ABCA12: variants seen among roughly 807,000 people sequenced by gnomAD.
ABCA12 encodes the protein glucosylceramide transporter ABCA12.
A neutral mutation model predicts 293.5 loss-of-function variants in ABCA12; 156 were observed. The observed-to-expected ratio is 0.53, with a 90% CI of 0.47 to 0.61. The LOEUF is 0.61. Ranked by LOEUF, ABCA12 falls within the 20% of genes least tolerant of loss-of-function variation. The pLI, the probability that ABCA12 is intolerant of heterozygous loss-of-function variation, is 0.00. For missense variants in ABCA12, 2,797 were observed against 3,090.2 expected, an observed-to-expected ratio of 0.91 and a Z score of 2.25; for synonymous variants, 1,063 against 1,108.0, an observed-to-expected ratio of 0.96 and a Z score of 0.81.
At chr2:214,999,431 T>C (rs978587155) in intron 22 of ABCA12, among the ~76,000 whole-genome samples, 3 of 152,324 alleles carry the variant, frequency 2.0e-5, no homozygotes, top group African/African-American at 7.2e-5. Flanking sequence ...CTGGAAAGTA[T>C]GGACAATAAT....
chr2:215,066,264 C>T (rs1036913412), intron 2 of ABCA12, among the ~76,000 whole-genome samples: 3 of 152,102 alleles, frequency 2.0e-5, no homozygotes, highest in African/African-American at 7.2e-5. Flanking sequence ...GAATTTATTA[C>T]TACTCTCTGT....
chr2:215,120,805 C>T (rs1415209501), intron 1 of ABCA12, among the ~76,000 whole-genome samples: 1 of 152,110 alleles, frequency 6.6e-6, no homozygotes, highest in African/African-American at 2.4e-5. Flanking sequence ...ATCTTTCTTC[C>T]CGTAACTACT....
intron 7 of ABCA12, among the ~76,000 whole-genome samples, chr2:215,041,164 G>A (rs751779150): frequency 6.6e-6 from 1 of 152,088 alleles, no homozygotes; most frequent in Non-Finnish European, 1.5e-5. Flanking sequence ...ACAACATGTG[G>A]TATGCCATAA....
At chr2:215,071,543 A>T (rs1403925880) in intron 2 of ABCA12, among the ~76,000 whole-genome samples, 3 of 152,348 alleles carry the variant, frequency 2.0e-5, no homozygotes, top group East Asian at 1.9e-4. Flanking sequence ...TGAGAATTTG[A>T]AAAACAGGTA....
chr2:215,077,877 C>G lies in ABCA12; in HGVS notation c.164-13658G>C, dbSNP rs75990385. The stretch of plus-strand genomic sequence containing the variant: ...TATTATTAAATTATACCTCAAATTA[C>G]TTAATGCAACAGTTGTTCATAGCCT... On this transcript the variant is annotated intron_variant, in intron 2 of 52. Transcript: ENST00000272895. 7.4e-3 allele frequency among the ~76,000 whole-genome samples: 1,134 copies of G among 152,240 alleles called. 13 individuals carry two copies. Among genetic ancestry groups the G allele is most frequent in the African/African-American group, 0.026 (1,082 of 41,542 alleles).
chr2:214,999,092 A>G (rs777356883), intron 22 of ABCA12, among the ~76,000 whole-genome samples: 1 of 152,124 alleles, frequency 6.6e-6, no homozygotes, highest in Non-Finnish European at 1.5e-5. Context: ...GTGAGGGAGC[A>G]GTGGGAGTTG....
intron 11 of ABCA12, among the ~76,000 whole-genome samples, chr2:215,020,982 T>C (rs914718939): frequency 6.6e-6 from 1 of 152,232 alleles, no homozygotes; most frequent in Non-Finnish European, 1.5e-5. Context: ...AGTAAGTAGC[T>C]GGGACTACAG....
At chr2:215,081,126 C>T (rs1472023671) in intron 2 of ABCA12, among the ~76,000 whole-genome samples, 1 of 152,106 alleles carries the variant, frequency 6.6e-6, no homozygotes, top group African/African-American at 2.4e-5. Flanking sequence ...TCAAAAGCTT[C>T]AGTTAAAGTT....
chr2:215,057,060 T>C (rs1305374003), intron 3 of ABCA12, among the ~76,000 whole-genome samples: 1 of 152,070 alleles, frequency 6.6e-6, no homozygotes, highest in Non-Finnish European at 1.5e-5. Context: ...TTTATCTTTA[T>C]ATTCCCAATA....
rs375211244 is a variant in ABCA12, at chr2:215,090,802, T to G, written c.163+20795A>C. 5.3e-5 allele frequency among the ~76,000 whole-genome samples: 8 copies of G among 152,072 alleles called. 1 individual carries two copies. The highest frequency in any genetic ancestry group is 1.7e-4 in the African/African-American group (7 of 41,426). Reference sequence around the variant, plus strand: ...CTACCCTCTTTTATCTAGATTTACCTTTTTACTACGGGCAATCTTCCGCCC... The same window carrying G: ...CTACCCTCTTTTATCTAGATTTACCGTTTTACTACGGGCAATCTTCCGCCC... On this transcript the variant is annotated intron_variant, in intron 2 of 52. Coordinates refer to ENST00000272895, the MANE Select transcript of ABCA12 (RefSeq NM_173076.3).
At chr2:215,111,768 G>T in intron 1 of ABCA12, 78 bp from the exon 2 acceptor site, 1 of 1,000,490 alleles carries the variant, frequency 1.0e-6, no homozygotes, top group Non-Finnish European at 1.6e-6. Flanking sequence ...CAAAAAGTAT[G>T]TCATACTATA....
chr2:214,980,461 A>T, intron 31 of ABCA12, 22 bp downstream of exon 31: 1 of 1,612,646 alleles, frequency 6.2e-7, no homozygotes, highest in East Asian at 2.2e-5. Context: ...CCATAATGAG[A>T]TATATTTTCT....
intron 22 of ABCA12, among the ~76,000 whole-genome samples, chr2:214,998,023 GAA>G (rs10714956): frequency 2.6e-5 from 4 of 151,308 alleles, no homozygotes; most frequent in African/African-American, 4.9e-5. Flanking sequence ...TCAAGAGTAA[GAA>G]AAAAAAAAGC....
chr2:214,970,903 G>A (rs1270430058), intron 36 of ABCA12, among the ~76,000 whole-genome samples: 4 of 151,912 alleles, frequency 2.6e-5, no homozygotes, highest in Non-Finnish European at 5.9e-5. Context: ...TATTATATAT[G>A]TATATATGTG....
In ABCA12 at chr2:214,990,832, A is replaced by G. The variant is rs1367105071; in HGVS notation, c.3494T>C (p.Ile1165Thr). Residue 1165 changes from isoleucine (I) to threonine (T), a missense_variant, in exon 24 of 53, where the codon ATC becomes ACC. Physicochemically the swap from Ile to Thr is moderately conservative, Grantham distance 89. Transcript: ENST00000272895. ...GTTGGTGTTGTTGAAGAAGACACTG[A>G]TAAGATAGCTCATGGCAATAACCGA... ...SFSVIAMSYL[I>T]SVFFNNTNIA... is the part of the protein sequence containing the mutation. 1 of 1,614,176 alleles carries G rather than the reference A, an allele frequency of 6.2e-7. No individual in the cohort carries two copies. The highest frequency in any genetic ancestry group is 1.7e-5 in the Admixed American group (1 of 60,024).
At chr2:215,070,631 G>A (rs531883942) in intron 2 of ABCA12, among the ~76,000 whole-genome samples, 2 of 145,124 alleles carry the variant, frequency 1.4e-5, no homozygotes, top group South Asian at 4.3e-4. Context: ...GAGAACATGC[G>A]GTGTTTGTTT....
At chr2:214,983,532 A>T in intron 29 of ABCA12, 115 bp downstream of exon 29, 1 of 949,558 alleles carries the variant, frequency 1.1e-6, no homozygotes, top group Non-Finnish European at 1.7e-6. Flanking sequence ...ACTAAAAAGT[A>T]ATTATTTCGT....
At chr2:215,113,596 C>T (rs987612393) in intron 1 of ABCA12, among the ~76,000 whole-genome samples, 4 of 152,140 alleles carry the variant, frequency 2.6e-5, no homozygotes, top group Admixed American at 6.5e-5. Context: ...GCCACCCTAC[C>T]TATCTAACAG....
chr2:215,012,873 T>C lies in ABCA12; in HGVS notation c.1957-738A>G, dbSNP rs371415889. 9.2e-5 allele frequency among the ~76,000 whole-genome samples: 14 copies of C among 152,304 alleles called. No homozygotes were observed. The South Asian group carries it at 2.9e-3, about 32-fold the overall frequency. ...TGTCAACTACATATTTCTTCATGTA[T>C]ACTATTGCTCAAAAATGATATAATA... On this transcript the variant is annotated intron_variant, in intron 15 of 52. Transcript: ENST00000272895.
Sources: allele counts gnomAD v4.1 joint callset (sites outside exome capture counted in the v4.1 genomes callset), GRCh38; gene constraint gnomAD v4.1.1; transcripts MANE v1.5; gene names NCBI Gene and HGNC (gene_info 2026-07-23, HGNC 2026-07-21).